The following ZZZ3 variants were observed in gnomAD, a reference collection of about 807,000 sequenced individuals.
The protein encoded by ZZZ3 is zinc finger ZZ-type containing 3, also known as ZZ-type zinc finger-containing protein 3.
Under a neutral mutation model 95.2 loss-of-function variants are expected in ZZZ3, and 22 were observed. That is an observed-to-expected ratio of 0.23 (90% confidence interval 0.17 to 0.33). The LOEUF is 0.33. ZZZ3 is among the 10% of genes least tolerant of loss of function. The pLI is 1.00. For synonymous variants in ZZZ3, 335 were observed against 358.9 expected (o/e 0.93, Z 0.75); for missense variants, 885 against 1,066.5 (o/e 0.83, Z 2.37).
chr1:77,632,943 T>G lies in ZZZ3; in HGVS notation c.412A>C (p.Lys138Gln), dbSNP rs746685026. 6.2e-7 allele frequency: 1 copy of G among 1,614,172 alleles called. No individual in the cohort carries two copies. The highest frequency in any genetic ancestry group is 1.7e-4 in the Middle Eastern group (1 of 6,060). Residue 138 changes from lysine (K) to glutamine (Q), a missense_variant, in exon 5 of 15, where the codon AAA (lysine) becomes CAA (glutamine). By Grantham distance (53) the Lys-to-Gln change is moderately conservative. Around this residue, in one of 5 missense-constraint regions of ZZZ3, gnomAD observed 556 missense variants for 652.9 expected, o/e 0.85. Coordinates refer to ENST00000370801, the MANE Select transcript of ZZZ3 (RefSeq NM_015534.6). The part of the protein sequence containing the change: ...PNSSEEDSPI[K>Q]SDKESVEQRS... The stretch of plus-strand genomic sequence containing the variant: ...TGTTCTACTGACTCCTTGTCTGATT[T>G]TATAGGAGAATCTTCTTCTGAACTG...
chr1:77,609,256 T>C (rs1665540369), intron 5 of ZZZ3, among the ~76,000 whole-genome samples: 1 of 152,090 alleles, frequency 6.6e-6, no homozygotes, highest in South Asian at 2.1e-4. Flanking sequence ...TCAAACAAAA[T>C]AGATTTTAAG....
Position 77,641,156 on chromosome 1 carries a change from C to T in ZZZ3, c.-206+228G>A, listed in dbSNP as rs762487522. 12 of 159,272 alleles carry T rather than the reference C, an allele frequency of 7.5e-5. 1 individual carries two copies. Among genetic ancestry groups the T allele is most frequent in the Middle Eastern group, 3.0e-3 (1 of 334 alleles). The allele number at this position is 159,272 out of a possible 1,614,324, so 9.9% of individuals were successfully genotyped here. A position where few individuals can be genotyped will look rare whatever the true frequency, so the allele number is the denominator to read the frequency against. Reference sequence around the variant, plus strand: ...CTTTCACAAACATGGCAAAACATTACGTTTTACAGTGTGTGATGGTAGTAG... The same window carrying T: ...CTTTCACAAACATGGCAAAACATTATGTTTTACAGTGTGTGATGGTAGTAG... On this transcript the variant is annotated intron_variant, in intron 3 of 14. Coordinates refer to ENST00000370801, the MANE Select transcript of ZZZ3 (RefSeq NM_015534.6).
intron 1 of ZZZ3, among the ~76,000 whole-genome samples, chr1:77,643,337 A>C (rs955352121): frequency 6.6e-6 from 1 of 152,242 alleles, no homozygotes; most frequent in Non-Finnish European, 1.5e-5. Flanking sequence ...AGCATTCTGC[A>C]AAACTGTTAT....
rs1386831609 is a variant in ZZZ3, at chr1:77,578,881, T to A, written c.2083-12A>T. 1.8e-5 allele frequency: 27 copies of A among 1,529,904 alleles called. No individual in the cohort carries two copies. Among genetic ancestry groups the A allele is most frequent in the Non-Finnish European group, 2.4e-5 (27 of 1,141,640 alleles). The allele number at this position is 1,529,904 out of a possible 1,614,324, so 94.8% of individuals were successfully genotyped here. On this transcript the variant is annotated splice_polypyrimidine_tract_variant and intron_variant, in intron 10 of 14. Coordinates refer to ENST00000370801, the MANE Select transcript of ZZZ3 (RefSeq NM_015534.6). ...ACTCGGCTGGCAACCTAAGGAAACA[T>A]GACAAGTCTCTTAACACAATGAGAT...
chr1:77,566,200 G>T lies in ZZZ3; in HGVS notation c.2467-19C>A. On this transcript the variant is annotated intron_variant, in intron 13 of 14. Transcript: ENST00000370801. ...TATCACACTATAACAGATTCAGAGA[G>T]AAAATGTATTAAGTTATACTGTTCC... is the stretch of plus-strand genomic sequence containing the variant. 6.5e-7 allele frequency: 1 copy of T among 1,549,208 alleles called. No individual in the cohort carries two copies. Among genetic ancestry groups the T allele is most frequent in the Non-Finnish European group, 8.9e-7 (1 of 1,128,732 alleles).
intron 5 of ZZZ3, among the ~76,000 whole-genome samples, chr1:77,591,275 G>A (rs1663666663): frequency 6.6e-6 from 1 of 152,160 alleles, no homozygotes; most frequent in Admixed American, 6.6e-5. Flanking sequence ...TGCAAATTCA[G>A]TAACTCACAA....
chr1:77,609,597 C>T (rs961791874), intron 5 of ZZZ3, among the ~76,000 whole-genome samples: 2 of 152,094 alleles, frequency 1.3e-5, no homozygotes, highest in African/African-American at 4.8e-5. Context: ...CATCCTTTTC[C>T]TCAGCAAAAG....
chr1:77,604,284 A>G (rs951997251), intron 5 of ZZZ3, among the ~76,000 whole-genome samples: 1 of 152,238 alleles, frequency 6.6e-6, no homozygotes, highest in African/African-American at 2.4e-5. Flanking sequence ...TAACATCCCA[A>G]GTGATTCTAA....
chr1:77,584,627 C>G lies in ZZZ3; in HGVS notation c.1534G>C (p.Val512Leu). Reference sequence around the variant, plus strand: ...GCTTGAGAACGCTGAGCCTCGAGTACAGCAATCGTCTGTAATAGTCTCTGA... The same window carrying G: ...GCTTGAGAACGCTGAGCCTCGAGTAGAGCAATCGTCTGTAATAGTCTCTGA... ...DYQRLLQTIA[V>L]LEAQRSQAVQ... is the part of the protein sequence containing the mutation. Residue 512 changes from valine to leucine, a missense_variant, in exon 6 of 15, where the codon GTA becomes CTA. This residue lies in a region of ZZZ3 where 556 missense variants were observed against 652.9 expected (regional missense o/e 0.85). Transcript: ENST00000370801. The G allele has an allele frequency of 6.2e-7, 1 of 1,606,324 alleles. No individual in the cohort carries two copies. The highest frequency in any genetic ancestry group is 1.1e-5 in the South Asian group (1 of 89,466).
chr1:77,585,414 T>C (rs1256168550), intron 5 of ZZZ3, among the ~76,000 whole-genome samples: 3 of 152,194 alleles, frequency 2.0e-5, no homozygotes, highest in African/African-American at 4.8e-5. Flanking sequence ...TCTGTTTAAA[T>C]TGTCCTGCCT....
intron 1 of ZZZ3, among the ~76,000 whole-genome samples, chr1:77,650,236 G>GA (rs1400259111): frequency 6.6e-6 from 1 of 151,900 alleles, no homozygotes; most frequent in Non-Finnish European, 1.5e-5. Context: ...AAAGCATATA[G>GA]AAAAAATAAA....
In ZZZ3 at chr1:77,643,167, CAAAGAAAAAAAA is replaced by C. The variant is rs994776514; in HGVS notation, c.-402-1524_-402-1513del. Among the ~76,000 whole-genome samples, 7 of 137,854 alleles carry C rather than the reference CAAAGAAAAAAAA, an allele frequency of 5.1e-5. No homozygotes were observed. In the South Asian group the frequency reaches 1.4e-3, roughly 27 times the overall value. 90.4% of individuals were successfully genotyped at this position (137,854 alleles called of 152,430 possible). ...CATCACTGCATTCCAGCCTGGGTAA[CAAAGAAAAAAAA>C]AAAGAAAAAACCGATCTAAGTATTT... On this transcript the variant is annotated intron_variant, in intron 1 of 14. Coordinates refer to ENST00000370801, the MANE Select transcript of ZZZ3 (RefSeq NM_015534.6).
Position 77,632,747 on chromosome 1 carries a change from T to C in ZZZ3, c.608A>G (p.Asn203Ser), listed in dbSNP as rs147260163. ...VEEITGYLAV[N>S]GVDDSDSAVI... Reference sequence around the variant, plus strand: ...AGCTGAATCACTGTCATCAACACCATTGACAGCCAAATAGCCTGTGATTTC... The same window carrying C: ...AGCTGAATCACTGTCATCAACACCACTGACAGCCAAATAGCCTGTGATTTC... The change falls in exon 5 of 15, where the codon AAT becomes AGT. Residue 203 changes from asparagine to serine, a missense_variant. This residue lies in a region of ZZZ3 where 556 missense variants were observed against 652.9 expected (regional missense o/e 0.85). Coordinates refer to ENST00000370801, the MANE Select transcript of ZZZ3 (RefSeq NM_015534.6). The C allele has an allele frequency of 6.1e-5, 98 of 1,614,226 alleles. No homozygotes were observed. The highest frequency in any genetic ancestry group is 2.0e-4 in the Admixed American group (12 of 60,030).
intron 5 of ZZZ3, among the ~76,000 whole-genome samples, chr1:77,614,506 A>G (rs933592017): frequency 1.2e-4 from 19 of 152,180 alleles, no homozygotes; most frequent in Non-Finnish European, 1.5e-4. Flanking sequence ...AATCCCCTAT[A>G]ATATCTTTAT....
At chr1:77,639,671 T>C (rs1387130661) in intron 3 of ZZZ3, 69 bp from the exon 4 acceptor site, 5 of 383,594 alleles carry the variant, frequency 1.3e-5, no homozygotes, top group Non-Finnish European at 1.8e-5. Flanking sequence ...GATTTACTCC[T>C]TCTATAATAA....
chr1:77,682,063 G>A (rs774275709), intron 1 of ZZZ3, among the ~76,000 whole-genome samples: 61 of 152,100 alleles, frequency 4.0e-4, no homozygotes, highest in Admixed American at 7.2e-4. Context: ...ATGAAAAGCA[G>A]GATTTTATTC....
At chr1:77,680,063 C>T (rs964522446) in intron 1 of ZZZ3, among the ~76,000 whole-genome samples, 7 of 152,322 alleles carry the variant, frequency 4.6e-5, no homozygotes, top group African/African-American at 1.7e-4. Flanking sequence ...CTGTGACCTT[C>T]AAACTCATTG....
At chr1:77,579,391 TA>T in intron 10 of ZZZ3, 135 bp downstream of exon 10, 2 of 564,932 alleles carry the variant, frequency 3.5e-6, no homozygotes, top group Non-Finnish European at 6.1e-6. Context: ...ACAATTTTTT[TA>T]AAAAAACACC....
chr1:77,610,227 A>T (rs1027726652), intron 5 of ZZZ3, among the ~76,000 whole-genome samples: 1 of 151,916 alleles, frequency 6.6e-6, no homozygotes, highest in Non-Finnish European at 1.5e-5. Context: ...AATCTGGAAT[A>T]GATAAATTGC....
Sources: allele counts gnomAD v4.1 joint callset (sites outside exome capture counted in the v4.1 genomes callset), GRCh38; gene constraint gnomAD v4.1.1; regional missense constraint gnomAD v4.1.1; transcripts MANE v1.5; gene names NCBI Gene and HGNC (gene_info 2026-07-23, HGNC 2026-07-21).